Variants in TAF3 observed in about 807,000 individuals in gnomAD.
The protein encoded by TAF3 is transcription initiation factor TFIID subunit 3.
In TAF3, 7 loss-of-function variants were observed where a neutral mutation model predicts 80.6. That is an observed-to-expected ratio of 0.09 (90% confidence interval 0.05 to 0.16). TAF3 has a LOEUF of 0.16. TAF3 is among the 10% of genes least tolerant of loss of function. The pLI is 1.00. For missense variants in TAF3, 921 were observed against 1,140.2 expected, an observed-to-expected ratio of 0.81 and a Z score of 2.77; for synonymous variants, 444 against 446.1, an observed-to-expected ratio of 1.00 and a Z score of 0.06.
At chr10:7,838,261 T>C (rs533963643) in intron 2 of TAF3, among the ~76,000 whole-genome samples, 1 of 152,104 alleles carries the variant, frequency 6.6e-6, no homozygotes, top group Non-Finnish European at 1.5e-5. Flanking sequence ...GAGTGAGATA[T>C]TCCTCTCTCC....
intron 3 of TAF3, among the ~76,000 whole-genome samples, chr10:7,976,510 G>T (rs909730881): frequency 2.6e-5 from 4 of 151,822 alleles, no homozygotes; most frequent in Non-Finnish European, 5.9e-5. Flanking sequence ...CGCCTCCCGG[G>T]TTCACACCAT....
intron 2 of TAF3, among the ~76,000 whole-genome samples, chr10:7,933,008 G>A (rs1226060753): frequency 6.6e-6 from 1 of 151,640 alleles, no homozygotes; most frequent in Non-Finnish European, 1.5e-5. Context: ...AAATGAGCAA[G>A]ACTAGAAGGA....
At chr10:7,867,305 G>A (rs1239978875) in intron 2 of TAF3, among the ~76,000 whole-genome samples, 1 of 152,024 alleles carries the variant, frequency 6.6e-6, no homozygotes, top group Non-Finnish European at 1.5e-5. Context: ...AAAAAAAGAT[G>A]TGATTTTTAA....
intron 1 of TAF3, among the ~76,000 whole-genome samples, chr10:7,820,579 C>T (rs777364163): frequency 6.6e-6 from 1 of 152,234 alleles, no homozygotes; most frequent in African/African-American, 2.4e-5. Flanking sequence ...TCTATAGCCT[C>T]GAACTTCAGG....
chr10:7,923,307 T>C (rs1837784276), intron 2 of TAF3, among the ~76,000 whole-genome samples: 2 of 152,132 alleles, frequency 1.3e-5, no homozygotes, highest in African/African-American at 4.8e-5. Context: ...TTAAAATTGC[T>C]TTGTTTCACA....
Position 7,863,376 on chromosome 10 carries a change from T to G in TAF3, c.409+38816T>G, listed in dbSNP as rs575234991. ...CTGTAATCCCAGCACTTTGGGAGGT[T>G]GAGGCAGGCAGGTCACCTGAGTTCA... On this transcript the variant is annotated intron_variant, in intron 2 of 6. Coordinates refer to ENST00000344293, the MANE Select transcript of TAF3 (RefSeq NM_031923.4). 3.9e-4 allele frequency among the ~76,000 whole-genome samples: 59 copies of G among 151,646 alleles called. No homozygotes were observed. In the East Asian group the frequency reaches 8.0e-3, roughly 21 times the overall value.
At chr10:7,873,954 G>T (rs983444419) in intron 2 of TAF3, among the ~76,000 whole-genome samples, 1 of 152,120 alleles carries the variant, frequency 6.6e-6, no homozygotes, top group African/African-American at 2.4e-5. Flanking sequence ...GTTTCCCCTC[G>T]AGAGGCCATT....
chr10:7,874,546 AATAAGCTCT>A (rs1452233429), intron 2 of TAF3, among the ~76,000 whole-genome samples: 1 of 152,106 alleles, frequency 6.6e-6, no homozygotes, highest in African/African-American at 2.4e-5. Flanking sequence ...TAAATATATA[AATAAGCTCT>A]ATAAGCTCTA....
intron 2 of TAF3, among the ~76,000 whole-genome samples, chr10:7,958,146 G>A (rs184571965): frequency 6.7e-6 from 1 of 148,792 alleles, no homozygotes; most frequent in African/African-American, 2.4e-5. Context: ...TTTACCAGTG[G>A]TAGAGGCTAA....
Position 7,965,730 on chromosome 10 carries a change from C to T in TAF3, c.2220C>T (p.His740=). ...REKREKEKEK[H]KHEKIKVEPV... Reference sequence around the variant, plus strand: ...AGAGAGAAAAAGAGAAGGAGAAACACAAGCATGAAAAAGTAAGCAGTTTCT... The same window carrying T: ...AGAGAGAAAAAGAGAAGGAGAAACATAAGCATGAAAAAGTAAGCAGTTTCT... Residue 740 remains histidine (H), a synonymous_variant, in exon 3 of 7, where the codon CAC becomes CAT. Coordinates refer to ENST00000344293, the MANE Select transcript of TAF3 (RefSeq NM_031923.4). 6.5e-7 allele frequency: 1 copy of T among 1,537,506 alleles called. No individual in the cohort carries two copies. Among genetic ancestry groups the T allele is most frequent in the Non-Finnish European group, 8.7e-7 (1 of 1,152,266 alleles).
At chr10:7,882,474 C>T (rs1439515083) in intron 2 of TAF3, among the ~76,000 whole-genome samples, 6 of 151,766 alleles carry the variant, frequency 4.0e-5, no homozygotes, top group East Asian at 1.9e-4. Flanking sequence ...GAAGTTTGGT[C>T]GTTAAAAAAA....
rs183659978 is a variant in TAF3 at position 7,994,000 on chromosome 10, C to T, written c.2316-15078C>T. Among the ~76,000 whole-genome samples the T allele has an allele frequency of 7.7e-3, 1,140 of 147,344 alleles. 10 individuals carry two copies. Among genetic ancestry groups the T allele is most frequent in the Non-Finnish European group, 0.012 (820 of 67,444 alleles). On this transcript the variant is annotated intron_variant, in intron 4 of 6. Transcript: ENST00000344293. ...TGGAAAGGGGAAGGGTTCTGTCTCTCTCTGTCTCTTTTTCTCCCCCATCCC... is the reference window on the plus strand; with the variant it reads ...TGGAAAGGGGAAGGGTTCTGTCTCTTTCTGTCTCTTTTTCTCCCCCATCCC...
At chr10:7,909,399 C>T (rs1242047801) in intron 2 of TAF3, among the ~76,000 whole-genome samples, 3 of 152,222 alleles carry the variant, frequency 2.0e-5, no homozygotes, top group Non-Finnish European at 4.4e-5. Context: ...CCTCCACCAC[C>T]ATCTGCCCCT....
chr10:7,968,755 A>G (rs992268907), intron 3 of TAF3, among the ~76,000 whole-genome samples: 5 of 152,202 alleles, frequency 3.3e-5, no homozygotes, highest in Admixed American at 6.5e-5. Context: ...CAAAATTTCA[A>G]TCCAGGCTGT....
intron 1 of TAF3, among the ~76,000 whole-genome samples, chr10:7,823,571 G>T (rs1219944276): frequency 6.6e-6 from 1 of 152,090 alleles, no homozygotes; most frequent in Non-Finnish European, 1.5e-5. Flanking sequence ...AGAAGTTTGA[G>T]GCAGCAAGGA....
At position 8,015,526 on chromosome 10, in the gene TAF3, A is replaced by G. The variant is rs988077050; in HGVS notation, c.*775A>G. 1 of 152,208 alleles carries G rather than the reference A, an allele frequency of 6.6e-6. No individual in the cohort carries two copies. Among genetic ancestry groups the G allele is most frequent in the Non-Finnish European group, 1.5e-5 (1 of 68,038 alleles). 9.4% of individuals were successfully genotyped at this position (152,208 alleles called of 1,614,324 possible). On this transcript the variant is annotated 3_prime_UTR_variant, in exon 7 of 7. Coordinates refer to ENST00000344293, the MANE Select transcript of TAF3 (RefSeq NM_031923.4). ...TAAAAGATTGCCCCTAATGTAAATAATAAATATTTATGAAGTAGTTATTTT... is the reference window on the plus strand; with the variant it reads ...TAAAAGATTGCCCCTAATGTAAATAGTAAATATTTATGAAGTAGTTATTTT...
chr10:7,837,621 C>T (rs1197557043), intron 2 of TAF3, among the ~76,000 whole-genome samples: 1 of 151,960 alleles, frequency 6.6e-6, no homozygotes, highest in Non-Finnish European at 1.5e-5. Context: ...CCAGCCTGGG[C>T]AAAAGAGCAA....
intron 2 of TAF3, among the ~76,000 whole-genome samples, chr10:7,939,560 A>G (rs961463940): frequency 1.4e-5 from 2 of 145,792 alleles, no homozygotes; most frequent in African/African-American, 2.5e-5. Flanking sequence ...GAGACAATGT[A>G]GGAAATAGAA....
intron 2 of TAF3, among the ~76,000 whole-genome samples, chr10:7,858,592 G>T (rs1837106681): frequency 6.6e-6 from 1 of 152,160 alleles, no homozygotes; most frequent in Admixed American, 6.5e-5. Context: ...AATTGTCTTA[G>T]ATTATTAACT....
Sources: allele counts gnomAD v4.1 joint callset (sites outside exome capture counted in the v4.1 genomes callset), GRCh38; gene constraint gnomAD v4.1.1; transcripts MANE v1.5; gene names NCBI Gene and HGNC (gene_info 2026-07-23, HGNC 2026-07-21).